Variants in CCPG1 observed in about 807,000 individuals in gnomAD.
CCPG1 encodes the protein cell cycle progression protein 1.
CCPG1 carries 46 observed loss-of-function variants against 81.3 expected under a neutral mutation model. That is an observed-to-expected ratio of 0.57 (90% CI 0.45 to 0.72). CCPG1 has a LOEUF of 0.72. Ranked by LOEUF, CCPG1 falls within the 30% of genes least tolerant of loss-of-function variation. The probability of loss-of-function intolerance (pLI) is 0.00; values close to 1 mark genes in which losing one functional copy is unlikely to be tolerated. For missense variants in CCPG1, 902 were observed against 937.6 expected (o/e 0.96, Z 0.50); for synonymous variants, 330 against 305.2 (o/e 1.08, Z -0.85).
At chr15:55,397,109 G>A (rs1030359493) in intron 1 of CCPG1, among the ~76,000 whole-genome samples, 3 of 152,128 alleles carry the variant, frequency 2.0e-5, no homozygotes, top group Non-Finnish European at 4.4e-5. Context: ...AGCTACTTCG[G>A]ACGCTGAGGC....
At chr15:55,378,738 G>C (rs1031591387) in intron 3 of CCPG1, among the ~76,000 whole-genome samples, 2 of 151,896 alleles carry the variant, frequency 1.3e-5, no homozygotes, top group Non-Finnish European at 2.9e-5. Flanking sequence ...TAAGCAACTG[G>C]GATTACAGAC....
rs140374781 is a variant in CCPG1 at position 55,369,943 on chromosome 15, T to C, written c.706+1850A>G. Among the ~76,000 whole-genome samples, 46 of 152,332 alleles carry C rather than the reference T, an allele frequency of 3.0e-4. No individual in the cohort carries two copies. In the East Asian group the frequency reaches 8.7e-3, roughly 29 times the overall value. On this transcript the variant is annotated intron_variant, in intron 6 of 8. Coordinates refer to ENST00000442196, the MANE Select transcript of CCPG1 (RefSeq NM_001204450.2). Reference sequence around the variant, plus strand: ...TCTCCATTGTTACCCTCATGTTTACTTGTGGAGGGAAAATCATACTCAAAT... The same window carrying C: ...TCTCCATTGTTACCCTCATGTTTACCTGTGGAGGGAAAATCATACTCAAAT...
At chr15:55,386,908 A>AG (rs2056811523) in intron 2 of CCPG1, among the ~76,000 whole-genome samples, 1 of 151,602 alleles carries the variant, frequency 6.6e-6, no homozygotes, top group African/African-American at 2.4e-5. Context: ...AAAAAAAAAA[A>AG]GTAAAGAAAA....
Position 55,361,202 on chromosome 15 carries a change from C to G in CCPG1, c.829-258G>C, listed in dbSNP as rs569122234. On this transcript the variant is annotated intron_variant, in intron 7 of 8. Coordinates refer to ENST00000442196, the MANE Select transcript of CCPG1 (RefSeq NM_001204450.2). ...TTTTTTTTTGAGATGGAGTCTCACT[C>G]TGTCGTCCAGACTAGAGTGCAGTGG... Among the ~76,000 whole-genome samples, 5 of 151,428 alleles carry G rather than the reference C, an allele frequency of 3.3e-5. No homozygotes were observed. The South Asian group carries it at 1.1e-3, about 32-fold the overall frequency.
At chr15:55,394,845 A>G (rs1396882571) in intron 1 of CCPG1, among the ~76,000 whole-genome samples, 1 of 151,658 alleles carries the variant, frequency 6.6e-6, no homozygotes, top group African/African-American at 2.4e-5. Context: ...CAACTGGACA[A>G]TGAGAAGCCA....
intron 1 of CCPG1, among the ~76,000 whole-genome samples, chr15:55,394,668 A>C (rs1428675760): frequency 1.3e-5 from 2 of 152,102 alleles, no homozygotes; most frequent in Non-Finnish European, 2.9e-5. Flanking sequence ...CAATTATCCC[A>C]CAGAACTGAT....
intron 8 of CCPG1, chr15:55,357,101 A>G (rs2141236218): frequency 1.0e-6 from 1 of 985,342 alleles, no homozygotes; most frequent in Admixed American, 6.1e-5. Flanking sequence ...AGTCTCGGCA[A>G]AAGAGATGAC....
At chr15:55,371,336 A>G (rs1241971310) in intron 6 of CCPG1, among the ~76,000 whole-genome samples, 1 of 152,270 alleles carries the variant, frequency 6.6e-6, no homozygotes, top group Non-Finnish European at 1.5e-5. Context: ...AATGAAAGTT[A>G]CAAAGTATGA....
At chr15:55,374,150 A>G (rs1177994626) in intron 5 of CCPG1, 2 of 1,287,238 alleles carry the variant, frequency 1.6e-6, no homozygotes, top group Non-Finnish European at 1.0e-6. Flanking sequence ...ATTTAGTCAC[A>G]CCACCTTGGA....
At chr15:55,384,790 T>C (rs1459748137) in intron 3 of CCPG1, among the ~76,000 whole-genome samples, 1 of 152,120 alleles carries the variant, frequency 6.6e-6, no homozygotes, top group Non-Finnish European at 1.5e-5. Context: ...TGCCACAAAC[T>C]TTCAATTTGT....
In CCPG1 at chr15:55,378,325, A is replaced by C. The variant is rs778925643; in HGVS notation, c.227T>G (p.Leu76Trp). 1.9e-6 allele frequency: 3 copies of C among 1,611,706 alleles called. No homozygotes were observed. Among genetic ancestry groups the C allele is most frequent in the Non-Finnish European group, 2.5e-6 (3 of 1,178,662 alleles). The change falls in exon 4 of 9, where the codon TTG becomes TGG. Residue 76 changes from leucine (L) to tryptophan (W), a missense_variant. Around this residue, in one of 3 missense-constraint regions of CCPG1, gnomAD observed 746 missense variants for 728.6 expected, o/e 1.02. Coordinates refer to ENST00000442196, the MANE Select transcript of CCPG1 (RefSeq NM_001204450.2). Reference protein sequence around the residue: ...VLMEETAYPALEETSSTIEAE... With the variant: ...VLMEETAYPAWEETSSTIEAE... ...CTCAATTGTTGAGCTGGTTTCCTCC[A>C]AAGCTGGATAAGCAGTTTCTTCCAT...
chr15:55,357,566 T>C (rs905365525), intron 8 of CCPG1: 1 of 396,262 alleles, frequency 2.5e-6, no homozygotes, highest in Non-Finnish European at 3.4e-6. Flanking sequence ...TCATCAGTTT[T>C]AGGCGGGGTA....
At position 55,371,692 on chromosome 15, in the gene CCPG1, C is replaced by T. The variant is rs1034293483; in HGVS notation, c.706+101G>A. ...CAGGCTTCAAGTTTTCAAGGCCACA[C>T]ATTTAATAATGGCACTGAAAACAGA... On this transcript the variant is annotated intron_variant, in intron 6 of 8. Transcript: ENST00000442196. 5 of 1,219,444 alleles carry T rather than the reference C, an allele frequency of 4.1e-6. No homozygotes were observed. In the African/African-American group the frequency reaches 4.6e-5, roughly 11 times the overall value. The allele number at this position is 1,219,444 out of a possible 1,614,324, so 75.5% of individuals were successfully genotyped here. A position where few individuals can be genotyped will look rare whatever the true frequency, so the allele number is the denominator to read the frequency against.
intron 8 of CCPG1, chr15:55,358,611 T>C (rs2056130008): frequency 7.1e-6 from 7 of 985,440 alleles, no homozygotes; most frequent in Non-Finnish European, 8.4e-6. Context: ...CAAAAGCTAC[T>C]TTAAAAACTA....
chr15:55,396,741 G>T (rs1292326816), intron 1 of CCPG1, among the ~76,000 whole-genome samples: 4 of 152,204 alleles, frequency 2.6e-5, no homozygotes, highest in Non-Finnish European at 5.9e-5. Flanking sequence ...CTTCATTGCT[G>T]AAGTATATGT....
chr15:55,392,770 G>A lies in CCPG1; in HGVS notation c.-9-3337C>T, dbSNP rs1025963674. Reference sequence around the variant, plus strand: ...GAGCTCAAGTGATCCACCTTTCTTGGCCTCTCAAAGTACTAGGATGACAGG... The same window carrying A: ...GAGCTCAAGTGATCCACCTTTCTTGACCTCTCAAAGTACTAGGATGACAGG... On this transcript the variant is annotated intron_variant, in intron 1 of 8. Coordinates refer to ENST00000442196, the MANE Select transcript of CCPG1 (RefSeq NM_001204450.2). Among the ~76,000 whole-genome samples the A allele has an allele frequency of 2.6e-5, 4 of 152,104 alleles. 1 individual carries two copies. The highest frequency in any genetic ancestry group is 5.9e-5 in the Non-Finnish European group (4 of 68,020).
intron 1 of CCPG1, among the ~76,000 whole-genome samples, chr15:55,399,131 C>T (rs1317678534): frequency 1.3e-5 from 2 of 151,854 alleles, no homozygotes; most frequent in Admixed American, 6.6e-5. Context: ...GTGCCCAGTG[C>T]CATGGAGAAA....
intron 6 of CCPG1, among the ~76,000 whole-genome samples, chr15:55,370,887 A>G (rs868241495): frequency 7.4e-5 from 6 of 81,548 alleles, no homozygotes; most frequent in African/African-American, 1.4e-4. Context: ...AAAAAAAAGA[A>G]AAAAAAAAAA....
At chr15:55,395,596 T>C (rs978557539) in intron 1 of CCPG1, among the ~76,000 whole-genome samples, 22 of 152,002 alleles carry the variant, frequency 1.4e-4, no homozygotes, top group African/African-American at 4.8e-4. Context: ...CAGTTGCCCA[T>C]CCCCTTTACC....
Sources: allele counts gnomAD v4.1 joint callset (sites outside exome capture counted in the v4.1 genomes callset), GRCh38; gene constraint gnomAD v4.1.1; regional missense constraint gnomAD v4.1.1; transcripts MANE v1.5; gene names NCBI Gene and HGNC (gene_info 2026-07-23, HGNC 2026-07-21).